Variants in MED4 observed in about 807,000 individuals in gnomAD.
MED4 encodes the protein mediator complex subunit 4.
In MED4, 21 loss-of-function variants were observed where a neutral mutation model predicts 35.0. The ratio of observed to expected loss-of-function variants is 0.60; its 90% CI spans 0.43 to 0.86. The LOEUF is 0.86. MED4 is among the 40% of genes least tolerant of loss of function. MED4 has a pLI of 0.00. For missense variants in MED4, 300 were observed against 319.4 expected (o/e 0.94, Z 0.46); for synonymous variants, 138 against 114.0 (o/e 1.21, Z -1.34).
intron 3 of MED4, among the ~76,000 whole-genome samples, chr13:48,085,975 C>T (rs1288143631): frequency 6.6e-6 from 1 of 150,914 alleles, no homozygotes; most frequent in African/African-American, 2.4e-5. Context: ...ATTTAGACTA[C>T]TGATAATTAA....
chr13:48,092,691 T>G (rs1950898772), intron 1 of MED4, among the ~76,000 whole-genome samples: 3 of 152,200 alleles, frequency 2.0e-5, no homozygotes, highest in Non-Finnish European at 4.4e-5. Context: ...GACTTGCTGA[T>G]GGATCAACAG....
At chr13:48,094,215 G>C (rs1950909132) in intron 1 of MED4, among the ~76,000 whole-genome samples, 1 of 152,178 alleles carries the variant, frequency 6.6e-6, no homozygotes, top group African/African-American at 2.4e-5. Context: ...ATGAACAGCG[G>C]GGTTGGAACG....
chr13:48,086,598 G>C (rs767725009), intron 2 of MED4, 146 bp from the exon 3 acceptor site: 10 of 655,164 alleles, frequency 1.5e-5, no homozygotes, highest in East Asian at 8.8e-5. Flanking sequence ...AGAATAAAAA[G>C]AGCCTACCTA....
intron 1 of MED4, among the ~76,000 whole-genome samples, chr13:48,093,124 A>T (rs1041431414): frequency 2.0e-5 from 3 of 152,208 alleles, no homozygotes; most frequent in Non-Finnish European, 4.4e-5. Flanking sequence ...CATAGAAATA[A>T]AATTTCCATA....
At chr13:48,091,541 C>G (rs759675101) in intron 1 of MED4, among the ~76,000 whole-genome samples, 2 of 152,154 alleles carry the variant, frequency 1.3e-5, no homozygotes, top group African/African-American at 2.4e-5. Flanking sequence ...AGACCCAACC[C>G]TTCCCACTAC....
intron 2 of MED4, among the ~76,000 whole-genome samples, chr13:48,087,569 C>T (rs185065927): frequency 2.0e-5 from 3 of 149,306 alleles, no homozygotes; most frequent in Non-Finnish European, 3.0e-5. Flanking sequence ...ACGGTGATTT[C>T]GGCCAGGCGC....
At chr13:48,078,267 T>C (rs989989064) in intron 6 of MED4, among the ~76,000 whole-genome samples, 12 of 151,746 alleles carry the variant, frequency 7.9e-5, no homozygotes, top group African/African-American at 2.7e-4. Context: ...TCTACCCTTC[T>C]CTCTGGCCCC....
rs1950847810 is a variant in MED4 at position 48,086,269 on chromosome 13, T to A, written c.363+13A>T. 1 of 1,606,182 alleles carries A rather than the reference T, an allele frequency of 6.2e-7. No homozygotes were observed. The highest frequency in any genetic ancestry group is 8.5e-7 in the Non-Finnish European group (1 of 1,178,374). On this transcript the variant is annotated intron_variant, in intron 3 of 6. Coordinates refer to ENST00000258648, the MANE Select transcript of MED4 (RefSeq NM_014166.4). The stretch of plus-strand genomic sequence containing the variant: ...TCCTTTTTAACCTTAAGAACCAACC[T>A]CTGTCAACTTACCAGTATTTGTTCT...
At chr13:48,093,341 TA>T (rs1348443302) in intron 1 of MED4, among the ~76,000 whole-genome samples, 2 of 152,012 alleles carry the variant, frequency 1.3e-5, no homozygotes, top group African/African-American at 4.8e-5. Context: ...TATAAACTAA[TA>T]AATATCCCGA....
intron 1 of MED4, among the ~76,000 whole-genome samples, chr13:48,091,059 T>C (rs1950886635): frequency 6.6e-6 from 1 of 152,226 alleles, no homozygotes; most frequent in African/African-American, 2.4e-5. Flanking sequence ...GTTTTCTGAC[T>C]CCTGTCTTAC....
intron 2 of MED4, 23 bp downstream of exon 2, chr13:48,090,329 T>C (rs1331229973): frequency 1.3e-6 from 2 of 1,525,872 alleles, no homozygotes; most frequent in Non-Finnish European, 1.8e-6. Context: ...AGAAATTAAC[T>C]AATTTAAAAA....
chr13:48,094,587 C>G (rs1278195276), intron 1 of MED4, among the ~76,000 whole-genome samples: 1 of 152,096 alleles, frequency 6.6e-6, no homozygotes, highest in Non-Finnish European at 1.5e-5. Flanking sequence ...CTAATAAAAA[C>G]AGGCCCCAAG....
chr13:48,081,845 A>C, intron 4 of MED4, 114 bp from the exon 5 acceptor site: 1 of 557,058 alleles, frequency 1.8e-6, no homozygotes, highest in African/African-American at 2.0e-5. Context: ...AAAATAAAAT[A>C]ATCTCAGTCA....
rs764787176 is a variant in MED4, at chr13:48,083,405, C to T, written c.387G>A (p.Lys129=). ...QILATAVYQA[K]EKLKSIEKAR... is the part of the protein sequence containing the mutation. ...CTTTTTCTATTGACTTGAGTTTCTC[C>T]TTCGCTTGGTAAACAGCTGTTGCCT... Residue 129 remains lysine, a synonymous_variant, in exon 4 of 7, where the codon AAG becomes AAA. Transcript: ENST00000258648. 5 of 1,613,160 alleles carry T rather than the reference C, an allele frequency of 3.1e-6. No individual in the cohort carries two copies. The highest frequency in any genetic ancestry group is 4.2e-6 in the Non-Finnish European group (5 of 1,179,770).
rs776677215 is a variant in MED4 at position 48,077,321 on chromosome 13, A to C, written c.641-10T>G. On this transcript the variant is annotated splice_polypyrimidine_tract_variant and intron_variant, in intron 6 of 6. Coordinates refer to ENST00000258648, the MANE Select transcript of MED4 (RefSeq NM_014166.4). ...TGTGGAGCAAGGACATCTGGAGAAA[A>C]AAAGAAGCATAGATAAGAACAGCTC... 2 of 1,462,850 alleles carry C rather than the reference A, an allele frequency of 1.4e-6. No homozygotes were observed. The highest frequency in any genetic ancestry group is 5.2e-5 in the East Asian group (2 of 38,140). The allele number at this position is 1,462,850 out of a possible 1,614,324, so 90.6% of individuals were successfully genotyped here.
At chr13:48,080,244 A>G (rs1398611269) in intron 5 of MED4, among the ~76,000 whole-genome samples, 1 of 151,960 alleles carries the variant, frequency 6.6e-6, no homozygotes, top group African/African-American at 2.4e-5. Flanking sequence ...TAAAAATAAG[A>G]AAATTAGTCA....
At chr13:48,084,750 C>T (rs888497804) in intron 3 of MED4, among the ~76,000 whole-genome samples, 3 of 151,738 alleles carry the variant, frequency 2.0e-5, no homozygotes, top group Non-Finnish European at 4.4e-5. Context: ...CAATTTTTTC[C>T]CTCTTCTTTC....
intron 6 of MED4, among the ~76,000 whole-genome samples, chr13:48,079,235 C>T (rs554601100): frequency 7.9e-5 from 12 of 152,046 alleles, no homozygotes; most frequent in African/African-American, 1.4e-4. Flanking sequence ...CACTTTATTC[C>T]GTAAACTATC....
chr13:48,079,809 G>C (rs1237300729), intron 6 of MED4, 35 bp downstream of exon 6: 3 of 1,605,694 alleles, frequency 1.9e-6, no homozygotes, highest in Admixed American at 3.4e-5. Flanking sequence ...GGAAAACCCT[G>C]ATCTGTTTGA....
Sources: gnomAD v4.1 joint callset for allele counts (sites outside exome capture counted in the v4.1 genomes callset) on GRCh38, gnomAD v4.1.1 for gene constraint, MANE v1.5 for transcripts, NCBI Gene and HGNC (gene_info 2026-07-23, HGNC 2026-07-21) for gene names.